The following SLC14A2 variants were observed in gnomAD, a reference collection of about 807,000 sequenced individuals.
SLC14A2 encodes solute carrier family 14 member 2.
In SLC14A2, 91 loss-of-function variants were observed where a neutral mutation model predicts 104.6. The ratio of observed to expected loss-of-function variants is 0.87; its 90% CI spans 0.73 to 1.04. The LOEUF (loss-of-function observed/expected upper bound fraction) is 1.04, where lower values mean the gene tolerates loss of function less well. Among genes scored for constraint, SLC14A2 ranks in the 50% least tolerant of loss-of-function variants. SLC14A2 has a pLI of 0.00. For synonymous variants in SLC14A2, 476 were observed against 466.4 expected (o/e 1.02, Z -0.27); for missense variants, 1,189 against 1,156.0 (o/e 1.03, Z -0.41).
At chr18:45,259,068 C>A (rs1382122858) in intron 1 of SLC14A2, among the ~76,000 whole-genome samples, 1 of 152,198 alleles carries the variant, frequency 6.6e-6, no homozygotes, top group Non-Finnish European at 1.5e-5. Context: ...TGCCTTCTAA[C>A]CCCTACAGTT....
the SLC14A2 span, among the ~76,000 whole-genome samples, chr18:45,171,655 TG>T: frequency 1.3e-5 from 2 of 152,308 alleles, no homozygotes; most frequent in East Asian, 3.9e-4. Context: ...CCATAAGTCA[TG>T]GAACTGGAAC....
chr18:45,385,022 T>C (rs894264201), intron 1 of SLC14A2, among the ~76,000 whole-genome samples: 5 of 152,216 alleles, frequency 3.3e-5, no homozygotes, highest in African/African-American at 7.2e-5. Context: ...AATGGGATAG[T>C]TGGATGTCGG....
upstream of SLC14A2, among the ~76,000 whole-genome samples, chr18:45,613,011 T>C (rs993559942): frequency 1.4e-5 from 2 of 139,620 alleles, no homozygotes; most frequent in African/African-American, 5.5e-5. Context: ...CTTTCCTTTA[T>C]AAATTACCCA....
intron 2 of SLC14A2, among the ~76,000 whole-genome samples, chr18:45,581,678 G>T (rs1248715490): frequency 6.6e-6 from 1 of 152,186 alleles, no homozygotes; most frequent in Non-Finnish European, 1.5e-5. Flanking sequence ...TCACACAGTT[G>T]TTGGGAGAAG....
chr18:45,658,512 C>T (rs1408700347), intron 10 of SLC14A2, among the ~76,000 whole-genome samples: 2 of 151,706 alleles, frequency 1.3e-5, no homozygotes, highest in Non-Finnish European at 2.9e-5. Context: ...ACCTGGAAGG[C>T]GGAGGTTGCA....
intron 2 of SLC14A2, among the ~76,000 whole-genome samples, chr18:45,564,809 C>T (rs1010453590): frequency 3.5e-4 from 53 of 151,990 alleles, no homozygotes; most frequent in African/African-American, 1.2e-3. Context: ...TGGAGGTTCT[C>T]GGGGAGAGAT....
rs370551797 is a variant in SLC14A2 at position 45,432,660 on chromosome 18, C to T, written c.-124-50573C>T. ...CCCTGATTTCGGCTTTGTGAGTACA[C>T]TTTGATATGTTCATGATTCCTGCAC... On this transcript the variant is annotated intron_variant, in intron 1 of 20. Transcript: ENST00000586448. Among the ~76,000 whole-genome samples the T allele has an allele frequency of 1.5e-4, 23 of 152,286 alleles. No homozygotes were observed. The South Asian group carries it at 4.8e-3, about 32-fold the overall frequency.
intron 1 of SLC14A2, among the ~76,000 whole-genome samples, chr18:45,365,450 C>T (rs546655371): frequency 5.3e-5 from 8 of 152,358 alleles, no homozygotes; most frequent in African/African-American, 1.2e-4. Flanking sequence ...GTGCTAGGCA[C>T]GAACTTCATG....
chr18:45,465,975 C>T (rs1251135753), intron 1 of SLC14A2, among the ~76,000 whole-genome samples: 1 of 152,120 alleles, frequency 6.6e-6, no homozygotes, highest in Non-Finnish European at 1.5e-5. Context: ...CAACAACCAA[C>T]ACTTACTGAG....
chr18:45,306,781 T>C (rs1360068546), intron 1 of SLC14A2, among the ~76,000 whole-genome samples: 1 of 152,148 alleles, frequency 6.6e-6, no homozygotes, highest in African/African-American at 2.4e-5. Context: ...AATTGTAAGA[T>C]AAAGTTTTCA....
chr18:45,250,346 G>C (rs2084408495), intron 1 of SLC14A2, among the ~76,000 whole-genome samples: 1 of 151,896 alleles, frequency 6.6e-6, no homozygotes, highest in African/African-American at 2.4e-5. Context: ...AGTCCTCTTT[G>C]GTATTTTAAT....
At chr18:45,584,184 G>A (rs1292468944) in intron 2 of SLC14A2, among the ~76,000 whole-genome samples, 3 of 152,148 alleles carry the variant, frequency 2.0e-5, no homozygotes. Flanking sequence ...GAATAACCTG[G>A]CCACCATGTT....
At chr18:45,366,376 T>A (rs1013156671) in intron 1 of SLC14A2, among the ~76,000 whole-genome samples, 8 of 152,108 alleles carry the variant, frequency 5.3e-5, no homozygotes, top group Non-Finnish European at 1.2e-4. Flanking sequence ...TCCAGCCAGG[T>A]GCTACCAGGT....
chr18:45,513,641 A>T (rs992040524), intron 2 of SLC14A2, among the ~76,000 whole-genome samples: 2 of 152,148 alleles, frequency 1.3e-5, no homozygotes, highest in Non-Finnish European at 2.9e-5. Flanking sequence ...ATCCATATAT[A>T]CATAAAGAAT....
At chr18:45,563,215 C>T (rs2044224949) in intron 2 of SLC14A2, among the ~76,000 whole-genome samples, 1 of 152,094 alleles carries the variant, frequency 6.6e-6, no homozygotes, top group South Asian at 2.1e-4. Context: ...CCTGCATCCC[C>T]CACTGGCTCA....
At chr18:45,337,635 A>G (rs529244949) in intron 1 of SLC14A2, among the ~76,000 whole-genome samples, 1 of 152,322 alleles carries the variant, frequency 6.6e-6, no homozygotes, top group Non-Finnish European at 1.5e-5. Flanking sequence ...TCCCTTTGGA[A>G]TTTAGGCAGA....
At chr18:45,205,254 A>G in the SLC14A2 span, among the ~76,000 whole-genome samples, 1 of 152,206 alleles carries the variant, frequency 6.6e-6, no homozygotes, top group East Asian at 1.9e-4. Context: ...ATGATGGATG[A>G]TATTCTCAAA....
intron 5 of SLC14A2, among the ~76,000 whole-genome samples, chr18:45,636,266 G>A (rs1408221301): frequency 6.6e-6 from 1 of 152,194 alleles, no homozygotes; most frequent in African/African-American, 2.4e-5. Flanking sequence ...GAGTGTGGAT[G>A]ATGTGGGGTA....
At chr18:45,181,870 C>G in the SLC14A2 span, among the ~76,000 whole-genome samples, 1 of 151,980 alleles carries the variant, frequency 6.6e-6, no homozygotes, top group Non-Finnish European at 1.5e-5. Context: ...AATGAGTTTC[C>G]ATTAATATGT....
Sources: allele counts gnomAD v4.1 joint callset (sites outside exome capture counted in the v4.1 genomes callset), GRCh38; gene constraint gnomAD v4.1.1; transcripts MANE v1.5; gene names NCBI Gene and HGNC (gene_info 2026-07-23, HGNC 2026-07-21).